The following TRAK1 variants were observed in gnomAD, a reference collection of about 807,000 sequenced individuals.
The protein encoded by TRAK1 is trafficking kinesin protein 1, also known as trafficking kinesin-binding protein 1.
TRAK1 carries 33 observed loss-of-function variants against 92.1 expected under a neutral mutation model. The ratio of observed to expected loss-of-function variants is 0.36; its 90% confidence interval spans 0.27 to 0.48. The LOEUF (loss-of-function observed/expected upper bound fraction) is 0.48, where lower values mean the gene tolerates loss of function less well. TRAK1 is among the 20% of genes least tolerant of loss of function. The pLI is 0.99. For synonymous variants in TRAK1, 521 were observed against 517.3 expected (o/e 1.01, Z -0.10); for missense variants, 1,123 against 1,257.9 (o/e 0.89, Z 1.62).
chr3:42,203,622 AT>A, intron 13 of TRAK1: 2 of 984,562 alleles, frequency 2.0e-6, no homozygotes, highest in Non-Finnish European at 1.2e-6. Context: ...GGAAAGCCAT[AT>A]ACGTTTGAGA....
rs562743205 is a variant in TRAK1, at chr3:42,108,627, T to A, written c.92-16793T>A. Among the ~76,000 whole-genome samples the A allele has an allele frequency of 2.0e-5, 3 of 152,156 alleles. No individual in the cohort carries two copies. In the South Asian group the frequency reaches 6.2e-4, roughly 32 times the overall value. On this transcript the variant is annotated intron_variant, in intron 1 of 15. Transcript: ENST00000327628. ...GTAAATGATGGAAGTAGTTCTTAGC[T>A]GATGGTCACCCCGGACACTACCTGG...
chr3:42,112,767 T>G (rs139949961), intron 1 of TRAK1, among the ~76,000 whole-genome samples: 2 of 150,924 alleles, frequency 1.3e-5, no homozygotes, highest in South Asian at 2.1e-4. Context: ...CCAACTAATT[T>G]TTTGTTTGTT....
intron 2 of TRAK1, among the ~76,000 whole-genome samples, chr3:42,170,345 G>A (rs148620442): frequency 0.012 from 1,864 of 152,228 alleles, 22 homozygotes; most frequent in Non-Finnish European, 0.016. Flanking sequence ...ACCCCAGGTT[G>A]GCTCCCAGGT....
At chr3:42,132,628 A>G (rs1408529908) in intron 2 of TRAK1, among the ~76,000 whole-genome samples, 1 of 151,972 alleles carries the variant, frequency 6.6e-6, no homozygotes, top group Admixed American at 6.6e-5. Context: ...TCCGTGGTGG[A>G]TACAGAGGCC....
rs370357302 is a variant in TRAK1, at chr3:42,015,861, A to AC, written c.-519+1748dup. On this transcript the variant is annotated intron_variant, in intron 1 of 16. Coordinates refer to the TRAK1 transcript ENST00000487159. ...AGACCAGCCTGGCCAACATGGTGAA[A>AC]CCCCGTCTCTACTAAAAATACAAAA... 1.7e-3 allele frequency among the ~76,000 whole-genome samples: 260 copies of AC among 151,888 alleles called. 1 individual carries two copies. The highest frequency in any genetic ancestry group is 6.2e-3 in the African/African-American group (256 of 41,418).
chr3:42,063,200 A>G (rs1366585809), intron 1 of TRAK1, among the ~76,000 whole-genome samples: 2 of 152,274 alleles, frequency 1.3e-5, no homozygotes, highest in East Asian at 3.8e-4. Context: ...TTCCAGCTAC[A>G]ACTGCGGAAT....
chr3:42,027,541 G>A (rs911912576), intron 1 of TRAK1, among the ~76,000 whole-genome samples: 3 of 151,062 alleles, frequency 2.0e-5, no homozygotes, highest in Admixed American at 6.6e-5. Flanking sequence ...AAAAAGTAAA[G>A]CTTTTCTAAT....
At chr3:42,195,083 CA>C in intron 10 of TRAK1, 142 bp downstream of exon 10, 5 of 1,013,952 alleles carry the variant, frequency 4.9e-6, no homozygotes, top group South Asian at 1.9e-5. Context: ...GAATCAAGGA[CA>C]CTTGAATCTG....
intron 2 of TRAK1, among the ~76,000 whole-genome samples, chr3:42,155,482 C>A (rs9311301): frequency 2.0e-5 from 3 of 152,086 alleles, no homozygotes; most frequent in East Asian, 1.9e-4. Flanking sequence ...AGTCTGGTCC[C>A]CTTCATAGGT....
chr3:42,072,917 G>A (rs1703996055), intron 1 of TRAK1, among the ~76,000 whole-genome samples: 1 of 152,086 alleles, frequency 6.6e-6, no homozygotes, highest in African/African-American at 2.4e-5. Context: ...ATTATTTGGG[G>A]GGATTCCCTT....
intron 1 of TRAK1, among the ~76,000 whole-genome samples, chr3:42,053,052 A>G (rs569737583): frequency 1.3e-5 from 2 of 152,192 alleles, no homozygotes; most frequent in East Asian, 1.9e-4. Context: ...AGCTGGCTGA[A>G]TGTTGCTTTT....
intron 1 of TRAK1, among the ~76,000 whole-genome samples, chr3:42,065,511 AC>A (rs1703638615): frequency 2.0e-5 from 3 of 152,072 alleles, no homozygotes; most frequent in Admixed American, 6.5e-5. Context: ...GATTTGGGGT[AC>A]TCAGCTTGTG....
rs376537175 is a variant in TRAK1, at chr3:42,160,824, G to T, written c.287-15990G>T. ...TATTCCTTTGTGTCTGGCTTTTGTT[G>T]CTTAACTGAGGTCTTTGAAATTCAT... On this transcript the variant is annotated intron_variant, in intron 2 of 15. Coordinates refer to ENST00000327628, the MANE Select transcript of TRAK1 (RefSeq NM_001042646.3). 5.9e-5 allele frequency among the ~76,000 whole-genome samples: 9 copies of T among 152,114 alleles called. 1 individual carries two copies. Among genetic ancestry groups the T allele is most frequent in the African/African-American group, 2.2e-4 (9 of 41,482 alleles).
chr3:42,141,658 T>C (rs1360549875), intron 2 of TRAK1, among the ~76,000 whole-genome samples: 1 of 152,194 alleles, frequency 6.6e-6, no homozygotes, highest in Non-Finnish European at 1.5e-5. Context: ...TTGCAGTTTC[T>C]GGTGGCTGCC....
chr3:42,194,808 G>A lies in TRAK1; in HGVS notation c.980G>A (p.Arg327His), dbSNP rs748462432. 8.1e-6 allele frequency: 13 copies of A among 1,613,408 alleles called. No individual in the cohort carries two copies. Among genetic ancestry groups the A allele is most frequent in the Middle Eastern group, 1.6e-4 (1 of 6,066 alleles). ...DAQRQLTAEL[R>H]ELEDKYAECM... ...CTGTGTCTTTCCTGCCTGCAGCTGCGTGAGCTGGAGGACAAGTACGCAGAG... is the reference window on the plus strand; with the variant it reads ...CTGTGTCTTTCCTGCCTGCAGCTGCATGAGCTGGAGGACAAGTACGCAGAG... The change falls in exon 10 of 16, where the codon CGT becomes CAT. Residue 327 changes from arginine (R) to histidine (H), a missense_variant. Transcript: ENST00000327628.
rs1405413053 is a variant in TRAK1, at chr3:42,225,171, CTTAT to C, written c.*1440_*1443del. Reference sequence around the variant, plus strand: ...GTGGCATTCCAGTCCAACCATGTGACTTATTTATTCTAATTTGAGGGCTGCACTG... The same window carrying C: ...GTGGCATTCCAGTCCAACCATGTGACTTATTCTAATTTGAGGGCTGCACTG... On this transcript the variant is annotated 3_prime_UTR_variant, in exon 16 of 16. Transcript: ENST00000327628. 20 of 152,310 alleles carry C rather than the reference CTTAT, an allele frequency of 1.3e-4. No homozygotes were observed. The highest frequency in any genetic ancestry group is 4.8e-4 in the African/African-American group (20 of 41,544). The allele number at this position is 152,310 out of a possible 1,614,324, so 9.4% of individuals were successfully genotyped here. A position where few individuals can be genotyped will look rare whatever the true frequency, so the allele number is the denominator to read the frequency against.
intron 1 of TRAK1, among the ~76,000 whole-genome samples, chr3:42,098,075 T>C (rs2148999804): frequency 6.6e-6 from 1 of 152,088 alleles, no homozygotes; most frequent in African/African-American, 2.4e-5. Flanking sequence ...CCACTTTCTG[T>C]CTGTTTCCTC....
Position 42,202,782 on chromosome 3 carries a change from G to T in TRAK1, c.1744+30G>T. On this transcript the variant is annotated intron_variant, in intron 13 of 15. Coordinates refer to ENST00000327628, the MANE Select transcript of TRAK1 (RefSeq NM_001042646.3). This position sits in a 1 kb window ranked among gnomAD's most constrained non-coding sequence, Gnocchi z 6.1. ...TCACGCGGGGCCTCGGCCCCTCTCTGTCCTCCTGGGGGACTCCCTTTGGTC... is the reference window on the plus strand; with the variant it reads ...TCACGCGGGGCCTCGGCCCCTCTCTTTCCTCCTGGGGGACTCCCTTTGGTC... 1 of 1,611,246 alleles carries T rather than the reference G, an allele frequency of 6.2e-7. No individual in the cohort carries two copies. Among genetic ancestry groups the T allele is most frequent in the Non-Finnish European group, 8.5e-7 (1 of 1,178,084 alleles).
chr3:42,176,687 C>A, intron 2 of TRAK1, 127 bp from the exon 3 acceptor site: 2 of 805,902 alleles, frequency 2.5e-6, no homozygotes, highest in Non-Finnish European at 2.1e-6. Flanking sequence ...GCGGGTTGAA[C>A]CCAGCGAGCC....
Sources: allele counts gnomAD v4.1 joint callset (sites outside exome capture counted in the v4.1 genomes callset), GRCh38; gene constraint gnomAD v4.1.1; non-coding constraint Gnocchi (gnomAD v3.1); transcripts MANE v1.5; gene names NCBI Gene and HGNC (gene_info 2026-07-23, HGNC 2026-07-21).